The following SLC6A19 variants were observed in gnomAD, a reference collection of about 807,000 sequenced individuals.
SLC6A19 encodes the protein solute carrier family 6 member 19.
In SLC6A19, 67 loss-of-function variants were observed where a neutral mutation model predicts 68.3. The ratio of observed to expected loss-of-function variants is 0.98; its 90% CI spans 0.81 to 1.20. The LOEUF is 1.20. Ranked by LOEUF, SLC6A19 falls within the 50% of genes most tolerant of loss-of-function variation. The pLI is 0.00. For synonymous variants in SLC6A19, 392 were observed against 374.9 expected (o/e 1.05, Z -0.53); for missense variants, 813 against 851.6 (o/e 0.95, Z 0.56).
chr5:1,221,728 T>C lies in SLC6A19; in HGVS notation c.1729T>C (p.Ser577Pro). The change falls in exon 12 of 12, where the codon TCC becomes CCC. Residue 577 changes from serine to proline, a missense_variant. Coordinates refer to ENST00000304460, the MANE Select transcript of SLC6A19 (RefSeq NM_001003841.3). The part of the protein sequence containing the change: ...YEEFPKSQKI[S>P]YPNWVYVVVV... ...GGAATTTCCCAAATCCCAGAAGATCTCCTACCCGAACTGGGTGTATGTGGT... is the reference window on the plus strand; with the variant it reads ...GGAATTTCCCAAATCCCAGAAGATCCCCTACCCGAACTGGGTGTATGTGGT... The C allele has an allele frequency of 6.2e-7, 1 of 1,614,020 alleles. No individual in the cohort carries two copies. Among genetic ancestry groups the C allele is most frequent in the Non-Finnish European group, 8.5e-7 (1 of 1,179,914 alleles).
At position 1,221,437 on chromosome 5, in the gene SLC6A19, T is replaced by A. The variant is rs1244845511; in HGVS notation, c.1701+124T>A. On this transcript the variant is annotated intron_variant, in intron 11 of 11. Transcript: ENST00000304460. ...CACCCACACACATGGGCACACACAC[T>A]CACACTCAGGTGCAGTCCAGCCACC... The A allele has an allele frequency of 1.5e-5, 19 of 1,267,652 alleles. No homozygotes were observed. The East Asian group carries it at 4.2e-4, about 28-fold the overall frequency. The allele number at this position is 1,267,652 out of a possible 1,614,324, so 78.5% of individuals were successfully genotyped here.
At position 1,207,481 on chromosome 5, in the gene SLC6A19, G is replaced by A. The variant is rs150144734; in HGVS notation, c.203-1265G>A. ...AGAGGAAGCTGACCTATGCTTTTCA[G>A]CTTTGGTTTTTTAAAAGAGACAGAA... is the stretch of plus-strand genomic sequence containing the variant. On this transcript the variant is annotated intron_variant, in intron 1 of 11. Transcript: ENST00000304460. Among the ~76,000 whole-genome samples the A allele has an allele frequency of 2.5e-3, 388 of 152,350 alleles. 2 individuals are homozygous for A. The highest frequency in any genetic ancestry group is 8.6e-3 in the African/African-American group (356 of 41,554).
rs1294354065 is a variant in SLC6A19, at chr5:1,201,768, C to T, written c.118C>T (p.Gln40Ter). The T allele has an allele frequency of 6.2e-7, 1 of 1,612,696 alleles. No individual in the cohort carries two copies. Among genetic ancestry groups the T allele is most frequent in the Non-Finnish European group, 8.5e-7 (1 of 1,179,918 alleles). ...CCGGCCGAAGTGGGACAACAAGGCGCAGTACATGCTCACCTGCCTGGGCTT... is the reference window on the plus strand; with the variant it reads ...CCGGCCGAAGTGGGACAACAAGGCGTAGTACATGCTCACCTGCCTGGGCTT... The part of the protein sequence containing the change: ...SSRPKWDNKA[Q>*]YMLTCLGFCV... Residue 40 changes from glutamine to a stop codon, truncating the protein, a stop_gained, in exon 1 of 12, where the codon CAG becomes TAG. Transcript: ENST00000304460. LOFTEE classifies it high-confidence loss of function.
At chr5:1,211,362 A>G (rs1746023213) in intron 3 of SLC6A19, among the ~76,000 whole-genome samples, 1 of 152,240 alleles carries the variant, frequency 6.6e-6, no homozygotes, top group Non-Finnish European at 1.5e-5. Context: ...AAGCCCAGAG[A>G]GGCCCACAGT....
intron 10 of SLC6A19, among the ~76,000 whole-genome samples, chr5:1,219,933 G>C (rs543065653): frequency 6.6e-6 from 1 of 152,182 alleles, no homozygotes; most frequent in Non-Finnish European, 1.5e-5. Flanking sequence ...CACGCAGAGA[G>C]CCAGAGCTCG....
intron 1 of SLC6A19, among the ~76,000 whole-genome samples, chr5:1,204,383 C>T (rs1745794829): frequency 6.6e-6 from 1 of 152,222 alleles, no homozygotes; most frequent in South Asian, 2.1e-4. Context: ...TGGGCATTCT[C>T]ACCTGGGAAA....
At position 1,224,752 on chromosome 5, in the gene SLC6A19, A is replaced by C. The variant is rs1400161141; in HGVS notation, c.*2848A>C. On this transcript the variant is annotated 3_prime_UTR_variant, in exon 12 of 12. Coordinates refer to ENST00000304460, the MANE Select transcript of SLC6A19 (RefSeq NM_001003841.3). ...GCCTGTCCGTGGCGGGAGCATCTGC[A>C]AGGAGGAGCCCCAGAGTCCAGGGAG... 1 of 152,528 alleles carries C rather than the reference A, an allele frequency of 6.6e-6. No individual in the cohort carries two copies. The highest frequency in any genetic ancestry group is 1.5e-5 in the Non-Finnish European group (1 of 68,258). The allele number at this position is 152,528 out of a possible 1,614,324, so 9.4% of individuals were successfully genotyped here. A position where few individuals can be genotyped will look rare whatever the true frequency, so the allele number is the denominator to read the frequency against.
At position 1,221,169 on chromosome 5, in the gene SLC6A19, G is replaced by C; in HGVS notation, c.1557G>C (p.Glu519Asp). 1 of 1,613,970 alleles carries C rather than the reference G, an allele frequency of 6.2e-7. No individual in the cohort carries two copies. The highest frequency in any genetic ancestry group is 8.5e-7 in the Non-Finnish European group (1 of 1,179,960). ...YGVDRFNKDI[E>D]FMIGHKPNIF... Reference sequence around the variant, plus strand: ...TTGGCAGGTTCAATAAGGACATCGAGTTCATGATCGGCCACAAGCCCAACA... The same window carrying C: ...TTGGCAGGTTCAATAAGGACATCGACTTCATGATCGGCCACAAGCCCAACA... Residue 519 changes from glutamate (E) to aspartate (D), a missense_variant, in exon 11 of 12, where the codon GAG (glutamate) becomes GAC (aspartate). Coordinates refer to ENST00000304460, the MANE Select transcript of SLC6A19 (RefSeq NM_001003841.3).
At chr5:1,210,833 G>A (rs892089469) in intron 3 of SLC6A19, among the ~76,000 whole-genome samples, 1 of 152,090 alleles carries the variant, frequency 6.6e-6, no homozygotes, top group Non-Finnish European at 1.5e-5. Context: ...TGCTCTGAGG[G>A]CCCCCGGTCA....
At chr5:1,207,281 G>A (rs1745882219) in intron 1 of SLC6A19, among the ~76,000 whole-genome samples, 2 of 152,190 alleles carry the variant, frequency 1.3e-5, no homozygotes, top group African/African-American at 4.8e-5. Context: ...CCGTCATGAT[G>A]CCCAGGAGTG....
At chr5:1,201,962 A>G in intron 1 of SLC6A19, 110 bp downstream of exon 1, 1 of 1,374,456 alleles carries the variant, frequency 7.3e-7, no homozygotes, top group Non-Finnish European at 9.8e-7. Context: ...CCAAGCACGG[A>G]GGGGAGAGGA....
Position 1,210,480 on chromosome 5 carries a change from T to G in SLC6A19, c.380T>G (p.Leu127Arg). 6.2e-7 allele frequency: 1 copy of G among 1,613,458 alleles called. No individual in the cohort carries two copies. The highest frequency in any genetic ancestry group is 8.5e-7 in the Non-Finnish European group (1 of 1,180,016). The change falls in exon 3 of 12, where the codon CTG (leucine) becomes CGG (arginine). Residue 127 changes from leucine to arginine, a missense_variant. Transcript: ENST00000304460. ...ASMLTSFMVG[L>R]YYNTIISWIM... ...ATGCTCACGTCCTTCATGGTGGGAC[T>G]GTATTACAACACCATCATCTCCTGG...
intron 3 of SLC6A19, among the ~76,000 whole-genome samples, chr5:1,211,816 CTGTG>C (rs763032009): frequency 7.4e-6 from 1 of 134,702 alleles, no homozygotes; most frequent in East Asian, 2.3e-4. Flanking sequence ...CATGTGTGTA[CTGTG>C]TGTGTGTGCA....
At chr5:1,221,434 C>T (rs991604842) in intron 11 of SLC6A19, 121 bp downstream of exon 11, 2 of 1,272,780 alleles carry the variant, frequency 1.6e-6, no homozygotes, top group Non-Finnish European at 2.2e-6. Context: ...TGGGCACACA[C>T]ACTCACACTC....
chr5:1,214,047 C>T lies in SLC6A19; in HGVS notation c.869C>T (p.Ser290Phe). ...SLAFGGLISFSSYNSVHNNCE... is the reference protein window; with the variant it reads ...SLAFGGLISFFSYNSVHNNCE... Reference sequence around the variant, plus strand: ...GCCTTCGGGGGCCTCATCTCCTTCTCCAGCTACAACTCTGTGCAGTGAGTG... The same window carrying T: ...GCCTTCGGGGGCCTCATCTCCTTCTTCAGCTACAACTCTGTGCAGTGAGTG... Residue 290 changes from serine (S) to phenylalanine (F), a missense_variant, in exon 6 of 12, where the codon TCC becomes TTC. Coordinates refer to ENST00000304460, the MANE Select transcript of SLC6A19 (RefSeq NM_001003841.3). The surrounding 1 kb of genome is among the most constrained non-coding windows in gnomAD (Gnocchi z 7.4). The T allele has an allele frequency of 1.2e-6, 2 of 1,613,896 alleles. No homozygotes were observed. The highest frequency in any genetic ancestry group is 8.5e-7 in the Non-Finnish European group (1 of 1,180,014).
In SLC6A19 at chr5:1,214,405, C is replaced by T. The variant is rs550929614; in HGVS notation, c.887+340C>T. On this transcript the variant is annotated intron_variant, in intron 6 of 11. Transcript: ENST00000304460. The surrounding 1 kb of genome is among the most constrained non-coding windows in gnomAD (Gnocchi z 7.4). Reference sequence around the variant, plus strand: ...CCAGCCCACCCCTGGGCATCCCAGGCCCCCAGACATGTGGCGCCCCCGACG... The same window carrying T: ...CCAGCCCACCCCTGGGCATCCCAGGTCCCCAGACATGTGGCGCCCCCGACG... 6.6e-6 allele frequency among the ~76,000 whole-genome samples: 1 copy of T among 152,208 alleles called. No individual in the cohort carries two copies. The highest frequency in any genetic ancestry group is 2.4e-5 in the African/African-American group (1 of 41,520).
rs541085945 is a variant in SLC6A19 at position 1,224,485 on chromosome 5, G to A, written c.*2581G>A. ...AGGTCCAGCTCCTGCCTCCTCCTGG[G>A]GGGTCTGGCTTTGGGGGCTTGCTCC... On this transcript the variant is annotated 3_prime_UTR_variant, in exon 12 of 12. Transcript: ENST00000304460. 6.6e-6 allele frequency: 1 copy of A among 152,462 alleles called. No individual in the cohort carries two copies. The highest frequency in any genetic ancestry group is 1.9e-4 in the East Asian group (1 of 5,182). The allele number at this position is 152,462 out of a possible 1,614,324, so 9.4% of individuals were successfully genotyped here.
intron 8 of SLC6A19, among the ~76,000 whole-genome samples, chr5:1,218,519 G>A (rs1746267667): frequency 1.3e-5 from 2 of 152,186 alleles, no homozygotes; most frequent in Admixed American, 1.3e-4. Context: ...CCGGCCGTTG[G>A]CCACCTGCCT....
intron 1 of SLC6A19, among the ~76,000 whole-genome samples, chr5:1,207,569 C>T (rs995534324): frequency 1.3e-5 from 2 of 152,224 alleles, no homozygotes; most frequent in Admixed American, 6.5e-5. Flanking sequence ...TTTCCTGAAT[C>T]TCTTCTCCCG....
Sources: gnomAD v4.1 joint callset for allele counts (sites outside exome capture counted in the v4.1 genomes callset) on GRCh38, gnomAD v4.1.1 for gene constraint, Gnocchi (gnomAD v3.1) non-coding constraint, MANE v1.5 for transcripts, NCBI Gene and HGNC (gene_info 2026-07-23, HGNC 2026-07-21) for gene names.